KIAA1958: variants seen among roughly 807,000 people sequenced by gnomAD.
The protein encoded by KIAA1958 is KIAA1958, also known as uncharacterized protein KIAA1958.
A neutral mutation model predicts 47.2 loss-of-function variants in KIAA1958; 14 were observed. The observed-to-expected ratio is 0.30, with a 90% CI of 0.20 to 0.46. The LOEUF is 0.46. Ranked by LOEUF, KIAA1958 falls within the 20% of genes least tolerant of loss-of-function variation. The pLI is 1.00. For synonymous variants in KIAA1958, 354 were observed against 353.3 expected (o/e 1.00, Z -0.02); for missense variants, 803 against 909.2 (o/e 0.88, Z 1.50).
At chr9:112,597,750 A>G (rs1836058456) in intron 2 of KIAA1958, among the ~76,000 whole-genome samples, 1 of 152,230 alleles carries the variant, frequency 6.6e-6, no homozygotes, top group African/African-American at 2.4e-5. Flanking sequence ...TTGAATGTTG[A>G]AGCAAATATG....
intron 2 of KIAA1958, among the ~76,000 whole-genome samples, chr9:112,639,529 C>T (rs921336331): frequency 2.0e-5 from 3 of 152,178 alleles, no homozygotes; most frequent in African/African-American, 7.2e-5. Flanking sequence ...CCAGTCAGGC[C>T]CTGACTCTTC....
chr9:112,500,584 T>A (rs1834117705), intron 1 of KIAA1958, among the ~76,000 whole-genome samples: 1 of 151,960 alleles, frequency 6.6e-6, no homozygotes. Flanking sequence ...GCCACCGTGG[T>A]CAGCCTAGTA....
At chr9:112,560,910 C>T (rs1054932582) in intron 1 of KIAA1958, among the ~76,000 whole-genome samples, 1 of 151,942 alleles carries the variant, frequency 6.6e-6, no homozygotes, top group African/African-American at 2.4e-5. Flanking sequence ...TTCTCTCTGT[C>T]TGTCCCCTCC....
chr9:112,536,371 T>C (rs1177027559), intron 1 of KIAA1958, among the ~76,000 whole-genome samples: 12 of 152,186 alleles, frequency 7.9e-5, no homozygotes, highest in Admixed American at 7.9e-4. Context: ...TATAGAATAC[T>C]CAGCAGACTT....
intron 1 of KIAA1958, among the ~76,000 whole-genome samples, chr9:112,563,639 A>G (rs747220057): frequency 1.3e-5 from 2 of 152,134 alleles, no homozygotes; most frequent in Non-Finnish European, 2.9e-5. Flanking sequence ...TGATTTCTGC[A>G]TAAACAGCCA....
At chr9:112,533,522 A>C (rs1440082205) in intron 1 of KIAA1958, among the ~76,000 whole-genome samples, 1 of 145,714 alleles carries the variant, frequency 6.9e-6, no homozygotes, top group Non-Finnish European at 1.5e-5. Flanking sequence ...CGGAGCTTGC[A>C]GTGAGCCAAG....
intron 1 of KIAA1958, among the ~76,000 whole-genome samples, chr9:112,561,579 G>T (rs1419710707): frequency 3.9e-5 from 6 of 152,126 alleles, no homozygotes; most frequent in African/African-American, 1.4e-4. Context: ...CTCGGGCTGG[G>T]TGCAGTGGCT....
At chr9:112,625,369 G>T (rs1253629225) in intron 2 of KIAA1958, among the ~76,000 whole-genome samples, 1 of 152,050 alleles carries the variant, frequency 6.6e-6, no homozygotes, top group South Asian at 2.1e-4. Flanking sequence ...GCCCAGGCTG[G>T]TCTCAAACTC....
intron 2 of KIAA1958, among the ~76,000 whole-genome samples, chr9:112,633,126 A>G (rs1444403495): frequency 6.6e-6 from 1 of 151,884 alleles, no homozygotes; most frequent in African/African-American, 2.4e-5. Flanking sequence ...TTCTGTAGCA[A>G]TGATCTATTT....
chr9:112,626,543 A>G (rs569709133), intron 2 of KIAA1958, among the ~76,000 whole-genome samples: 1 of 152,318 alleles, frequency 6.6e-6, no homozygotes, highest in East Asian at 1.9e-4. Flanking sequence ...GATATCAGCA[A>G]TATAGATTCC....
chr9:112,553,549 A>G (rs1212782599), intron 1 of KIAA1958, among the ~76,000 whole-genome samples: 1 of 152,154 alleles, frequency 6.6e-6, no homozygotes, highest in African/African-American at 2.4e-5. Context: ...TGTAAAATGG[A>G]GATAATAATA....
chr9:112,645,926 C>A (rs1426784585), intron 3 of KIAA1958, 104 bp downstream of exon 3: 11 of 866,558 alleles, frequency 1.3e-5, no homozygotes, highest in Non-Finnish European at 1.8e-5. Context: ...TGGCTTTCTG[C>A]CTGGGGAAAC....
rs1055144170 is a variant in KIAA1958, at chr9:112,535,461, A to AT, written c.-24-38586dup. Among the ~76,000 whole-genome samples the AT allele has an allele frequency of 5.4e-3, 808 of 149,266 alleles. 5 individuals carry two copies. Among genetic ancestry groups the AT allele is most frequent in the African/African-American group, 0.018 (751 of 40,772 alleles). Reference sequence around the variant, plus strand: ...TAGCAGTCCATTGTATAAATATACCATTTTTTTTTTATTCATTCATCTGTT... The same window carrying AT: ...TAGCAGTCCATTGTATAAATATACCATTTTTTTTTTTATTCATTCATCTGTT... On this transcript the variant is annotated intron_variant, in intron 1 of 3. Transcript: ENST00000337530.
In KIAA1958 at chr9:112,618,802, C is replaced by T. The variant is rs1588042404; in HGVS notation, c.1172-26848C>T. On this transcript the variant is annotated intron_variant, in intron 2 of 3. Transcript: ENST00000337530. The surrounding 1 kb of genome is among the most constrained non-coding windows in gnomAD (Gnocchi z 7.1). ...TGTCTGAGGCCCAGAGCAACCAGCTCGTGCTGATCTGTAACAATCTGAGCC... is the reference window on the plus strand; with the variant it reads ...TGTCTGAGGCCCAGAGCAACCAGCTTGTGCTGATCTGTAACAATCTGAGCC... 7.7e-6 allele frequency: 12 copies of T among 1,550,638 alleles called. No homozygotes were observed. The highest frequency in any genetic ancestry group is 7.3e-5 in the East Asian group (3 of 40,908).
intron 1 of KIAA1958, among the ~76,000 whole-genome samples, chr9:112,556,504 T>A (rs1835244985): frequency 6.6e-6 from 1 of 152,208 alleles, no homozygotes; most frequent in South Asian, 2.1e-4. Flanking sequence ...TTTGTAAAAA[T>A]TATAATTTTT....
intron 2 of KIAA1958, among the ~76,000 whole-genome samples, chr9:112,628,334 T>C (rs1236549284): frequency 6.6e-6 from 1 of 152,236 alleles, no homozygotes; most frequent in Non-Finnish European, 1.5e-5. Flanking sequence ...ATTCTAAGAC[T>C]ATCAAAACTA....
rs1282528725 is a variant in KIAA1958, at chr9:112,594,647, G to A, written c.1171+19396G>A. ...TCAGGAAGTGATGGGTATTTGGGTT[G>A]TTTTCACATTTTGGCTATTATGAAT... is the stretch of plus-strand genomic sequence containing the variant. On this transcript the variant is annotated intron_variant, in intron 2 of 3. Coordinates refer to ENST00000337530, the MANE Select transcript of KIAA1958 (RefSeq NM_133465.4). Among the ~76,000 whole-genome samples, 5 of 152,146 alleles carry A rather than the reference G, an allele frequency of 3.3e-5. No individual in the cohort carries two copies. In the East Asian group the frequency reaches 9.6e-4, roughly 29 times the overall value.
chr9:112,497,869 T>C (rs1001924666), intron 1 of KIAA1958, among the ~76,000 whole-genome samples: 9 of 152,192 alleles, frequency 5.9e-5, no homozygotes, highest in South Asian at 2.1e-4. Context: ...TCAGCATCTA[T>C]TGTCTTGCTT....
chr9:112,575,633 A>G (rs1835632077), intron 2 of KIAA1958, among the ~76,000 whole-genome samples: 1 of 152,180 alleles, frequency 6.6e-6, no homozygotes, highest in Non-Finnish European at 1.5e-5. Flanking sequence ...AATGTTGGGT[A>G]AGGCATATCA....
Sources: gnomAD v4.1 joint callset for allele counts (sites outside exome capture counted in the v4.1 genomes callset) on GRCh38, gnomAD v4.1.1 for gene constraint, Gnocchi (gnomAD v3.1) non-coding constraint, MANE v1.5 for transcripts, NCBI Gene and HGNC (gene_info 2026-07-23, HGNC 2026-07-21) for gene names.